Variants in NUDT3 observed in about 807,000 individuals in gnomAD.
The protein encoded by NUDT3 is nudix hydrolase 3.
NUDT3 carries 9 observed loss-of-function variants against 23.6 expected under a neutral mutation model. The ratio of observed to expected loss-of-function variants is 0.38; its 90% CI spans 0.23 to 0.66. The LOEUF (loss-of-function observed/expected upper bound fraction) is 0.66, where lower values mean the gene tolerates loss of function less well. NUDT3 is among the 30% of genes least tolerant of loss of function. The pLI, the probability that NUDT3 is intolerant of heterozygous loss-of-function variation, is 0.52. For missense variants in NUDT3, 172 were observed against 218.5 expected (o/e 0.79, Z 1.34); for synonymous variants, 86 against 82.6 (o/e 1.04, Z -0.22).
At chr6:34,307,365 G>A (rs1763697983) in intron 2 of NUDT3, among the ~76,000 whole-genome samples, 1 of 152,214 alleles carries the variant, frequency 6.6e-6, no homozygotes, top group South Asian at 2.1e-4. Context: ...GATGGCTTGA[G>A]GCCAGGAGTT....
At chr6:34,302,195 C>CTT (rs759027677) in intron 2 of NUDT3, among the ~76,000 whole-genome samples, 3 of 141,120 alleles carry the variant, frequency 2.1e-5, no homozygotes, top group African/African-American at 2.6e-5. Flanking sequence ...TCACAACTGG[C>CTT]TTTTTTTTTT....
intron 2 of NUDT3, among the ~76,000 whole-genome samples, chr6:34,315,172 T>TG (rs1045820400): frequency 2.6e-5 from 4 of 151,952 alleles, no homozygotes; most frequent in Non-Finnish European, 4.4e-5. Flanking sequence ...AAAAAGGGAG[T>TG]GGGGGGAACA....
At chr6:34,355,990 C>A (rs546153164) in intron 1 of NUDT3, among the ~76,000 whole-genome samples, 3 of 151,866 alleles carry the variant, frequency 2.0e-5, no homozygotes, top group Non-Finnish European at 4.4e-5. Flanking sequence ...AACATAAGAC[C>A]CTGTTTAGGA....
chr6:34,303,972 G>A (rs562084975), intron 2 of NUDT3, among the ~76,000 whole-genome samples: 2 of 152,304 alleles, frequency 1.3e-5, no homozygotes, highest in East Asian at 1.9e-4. Context: ...CTGCTACGAG[G>A]CCAGGCGCAG....
chr6:34,328,089 T>C (rs963593541), intron 2 of NUDT3, among the ~76,000 whole-genome samples: 1 of 152,242 alleles, frequency 6.6e-6, no homozygotes, highest in Non-Finnish European at 1.5e-5. Flanking sequence ...ACTATTCTTA[T>C]TCTAACTACT....
At chr6:34,334,328 G>A (rs1764173480) in intron 2 of NUDT3, among the ~76,000 whole-genome samples, 1 of 152,148 alleles carries the variant, frequency 6.6e-6, no homozygotes, top group African/African-American at 2.4e-5. Context: ...TTGAGCACTG[G>A]AGATTCGACA....
chr6:34,299,584 C>T (rs1763566598), intron 2 of NUDT3, among the ~76,000 whole-genome samples: 1 of 150,284 alleles, frequency 6.7e-6, no homozygotes, highest in African/African-American at 2.5e-5. Context: ...GCCACCAAGA[C>T]CGGGTATTTT....
chr6:34,340,927 AG>A (rs773635791), intron 2 of NUDT3, among the ~76,000 whole-genome samples: 1 of 152,220 alleles, frequency 6.6e-6, no homozygotes, highest in Non-Finnish European at 1.5e-5. Context: ...GGATATTCCA[AG>A]GGTAAGATTA....
At position 34,323,292 on chromosome 6, in the gene NUDT3, G is replaced by A. The variant is rs899257356; in HGVS notation, c.210+18570C>T. On this transcript the variant is annotated intron_variant, in intron 2 of 4. Coordinates refer to ENST00000607016, the MANE Select transcript of NUDT3 (RefSeq NM_006703.4). ...GGTGGGCGGGCACAAAGAAAGACGG[G>A]CTGGGCACAGTGGCCCATAATCCCA... Among the ~76,000 whole-genome samples the A allele has an allele frequency of 3.9e-5, 6 of 152,096 alleles. 1 individual carries two copies. The highest frequency in any genetic ancestry group is 5.9e-5 in the Non-Finnish European group (4 of 68,010).
intron 2 of NUDT3, among the ~76,000 whole-genome samples, chr6:34,304,251 CAAAAAAAAAA>C (rs60576919): frequency 8.6e-5 from 7 of 81,180 alleles, no homozygotes; most frequent in Non-Finnish European, 1.8e-4. Context: ...AACTCTGTCT[CAAAAAAAAAA>C]AAAAAAAAAA....
intron 2 of NUDT3, among the ~76,000 whole-genome samples, chr6:34,334,117 G>A (rs1764170007): frequency 6.6e-6 from 1 of 152,212 alleles, no homozygotes; most frequent in South Asian, 2.1e-4. Context: ...CCGGTGCACT[G>A]TGACCCAAGT....
intron 1 of NUDT3, among the ~76,000 whole-genome samples, chr6:34,358,403 A>G (rs2113749744): frequency 6.6e-6 from 1 of 152,284 alleles, no homozygotes; most frequent in East Asian, 1.9e-4. Flanking sequence ...AGTTTTTTCA[A>G]TAATATTTAA....
At chr6:34,318,667 T>A (rs1381348283) in intron 2 of NUDT3, among the ~76,000 whole-genome samples, 1 of 152,218 alleles carries the variant, frequency 6.6e-6, no homozygotes, top group African/African-American at 2.4e-5. Flanking sequence ...TTAGACTGTT[T>A]CTAATTTTTT....
intron 2 of NUDT3, among the ~76,000 whole-genome samples, chr6:34,331,014 C>T (rs2113726231): frequency 6.6e-6 from 1 of 152,236 alleles, no homozygotes; most frequent in East Asian, 1.9e-4. Flanking sequence ...GCTACCACGC[C>T]CAGCTAATTT....
chr6:34,377,079 A>G (rs1764936884), intron 1 of NUDT3, among the ~76,000 whole-genome samples: 1 of 152,184 alleles, frequency 6.6e-6, no homozygotes, highest in Non-Finnish European at 1.5e-5. Context: ...TTTGCATCCA[A>G]AATGAAGCAC....
chr6:34,289,036 T>A (rs575816957), intron 4 of NUDT3, 105 bp from the exon 5 acceptor site: 1 of 1,330,232 alleles, frequency 7.5e-7, no homozygotes, highest in Non-Finnish European at 9.9e-7. Context: ...TTCTTAACAC[T>A]TTTTTTCCTT....
intron 1 of NUDT3, among the ~76,000 whole-genome samples, chr6:34,383,713 T>G (rs1393647314): frequency 6.6e-6 from 1 of 152,094 alleles, no homozygotes; most frequent in Non-Finnish European, 1.5e-5. Context: ...GAAATGAGAA[T>G]TAAAGCAGAA....
Position 34,288,785 on chromosome 6 carries a change from A to T in NUDT3, c.487T>A (p.Ser163Thr). ...ATGCCTGACATCGAGCTCTGAGCAGAAACCGAGTATGTGGTGGCCACGACT... is the reference window on the plus strand; with the variant it reads ...ATGCCTGACATCGAGCTCTGAGCAGTAACCGAGTATGTGGTGGCCACGACT... ...TPVVATTYSV[S>T]AQSSMSGIR Residue 163 changes from serine to threonine, a missense_variant, in exon 5 of 5, where the codon TCT (serine) becomes ACT (threonine). By Grantham distance (58) the Ser-to-Thr change is moderately conservative (BLOSUM62 1). Around this residue, in one of 3 missense-constraint regions of NUDT3, gnomAD observed 63 missense variants for 64.9 expected, o/e 0.97. Transcript: ENST00000607016. 2 of 1,613,226 alleles carry T rather than the reference A, an allele frequency of 1.2e-6. No individual in the cohort carries two copies. The highest frequency in any genetic ancestry group is 2.7e-5 in the African/African-American group (2 of 74,964).
At chr6:34,297,552 T>TG (rs1763519574) in intron 2 of NUDT3, among the ~76,000 whole-genome samples, 1 of 99,146 alleles carries the variant, frequency 1.0e-5, no homozygotes, top group Admixed American at 9.2e-5. Flanking sequence ...AAGTCATTGT[T>TG]TTTTTTTTTT....
Sources: gnomAD v4.1 joint callset for allele counts (sites outside exome capture counted in the v4.1 genomes callset) on GRCh38, gnomAD v4.1.1 for gene constraint, gnomAD v4.1.1 regional missense constraint, MANE v1.5 for transcripts, NCBI Gene and HGNC (gene_info 2026-07-23, HGNC 2026-07-21) for gene names.